Variants in POU1F1 observed in about 807,000 individuals in gnomAD.
POU1F1 encodes the protein pituitary-specific positive transcription factor 1.
A neutral mutation model predicts 32.3 loss-of-function variants in POU1F1; 23 were observed. That is an observed-to-expected ratio of 0.71 (90% CI 0.51 to 1.01). The LOEUF is 1.01. Ranked by LOEUF, POU1F1 falls within the 50% of genes least tolerant of loss-of-function variation. POU1F1 has a pLI of 0.00. For synonymous variants in POU1F1, 120 were observed against 115.6 expected, an observed-to-expected ratio of 1.04 and a Z score of -0.25; for missense variants, 323 against 341.6, an observed-to-expected ratio of 0.95 and a Z score of 0.43.
chr3:87,267,959 C>T (rs550928871), intron 2 of POU1F1, among the ~76,000 whole-genome samples: 60 of 151,854 alleles, frequency 4.0e-4, no homozygotes, highest in South Asian at 1.2e-3. Flanking sequence ...AAAGTGGACA[C>T]GCAGAAAACA....
chr3:87,269,140 A>C (rs953277088), intron 2 of POU1F1, among the ~76,000 whole-genome samples: 3 of 152,180 alleles, frequency 2.0e-5, no homozygotes, highest in African/African-American at 4.8e-5. Flanking sequence ...TTAGGCATAA[A>C]AATTCAAAGG....
Position 87,259,771 on chromosome 3 carries a change from G to T in POU1F1, c.*123C>A. 1 of 788,628 alleles carries T rather than the reference G, an allele frequency of 1.3e-6. No individual in the cohort carries two copies. The highest frequency in any genetic ancestry group is 2.0e-6 in the Non-Finnish European group (1 of 491,386). The allele number at this position is 788,628 out of a possible 1,614,324, so 48.9% of individuals were successfully genotyped here. On this transcript the variant is annotated 3_prime_UTR_variant, in exon 6 of 6. Transcript: ENST00000350375. ...CTTTTTTTTAAAAAAAAGTGGAAAA[G>T]TAAAGCTTCTGTAAAAGCTATTGAT...
chr3:87,262,263 CT>C, intron 3 of POU1F1, 28 bp from the exon 4 acceptor site: 1 of 1,613,226 alleles, frequency 6.2e-7, no homozygotes, highest in South Asian at 1.1e-5. Flanking sequence ...AGACCATCAG[CT>C]CCAACTTTCC....
At position 87,259,836 on chromosome 3, in the gene POU1F1, G is replaced by A. The variant is rs1050477318; in HGVS notation, c.*58C>T. 2 of 1,431,540 alleles carry A rather than the reference G, an allele frequency of 1.4e-6. No individual in the cohort carries two copies. The highest frequency in any genetic ancestry group is 2.0e-6 in the Non-Finnish European group (2 of 1,020,194). The allele number at this position is 1,431,540 out of a possible 1,614,324, so 88.7% of individuals were successfully genotyped here. Reference sequence around the variant, plus strand: ...AGTCAACCAAGTAATTTCTGTTTTTGTTGAGGAAGAGAAAGGAATGAAACG... The same window carrying A: ...AGTCAACCAAGTAATTTCTGTTTTTATTGAGGAAGAGAAAGGAATGAAACG... On this transcript the variant is annotated 3_prime_UTR_variant, in exon 6 of 6. Coordinates refer to ENST00000350375, the MANE Select transcript of POU1F1 (RefSeq NM_000306.4).
chr3:87,265,650 G>A (rs1442273119), intron 2 of POU1F1, among the ~76,000 whole-genome samples: 2 of 151,474 alleles, frequency 1.3e-5, no homozygotes, highest in Admixed American at 1.3e-4. Flanking sequence ...AAAAAATAAA[G>A]TAAAAAATAA....
intron 2 of POU1F1, 97 bp from the exon 3 acceptor site, chr3:87,264,609 G>T (rs1028561909): frequency 1.1e-6 from 1 of 937,418 alleles, no homozygotes; most frequent in Admixed American, 2.0e-5. Flanking sequence ...CCATTATTCT[G>T]CTCTAGCCTG....
intron 2 of POU1F1, among the ~76,000 whole-genome samples, chr3:87,269,092 C>T (rs370304235): frequency 3.9e-5 from 6 of 152,130 alleles, no homozygotes; most frequent in Non-Finnish European, 1.5e-5. Context: ...TGCACAGGAA[C>T]ATGTATCTGA....
chr3:87,274,910 T>C (rs1358692504), intron 1 of POU1F1, among the ~76,000 whole-genome samples: 1 of 151,900 alleles, frequency 6.6e-6, no homozygotes, highest in East Asian at 1.9e-4. Context: ...ACTAAATAAA[T>C]TGTTACTTAT....
chr3:87,260,507 AC>A (rs1473729199), intron 5 of POU1F1, among the ~76,000 whole-genome samples: 1 of 152,140 alleles, frequency 6.6e-6, no homozygotes, highest in African/African-American at 2.4e-5. Flanking sequence ...CCAAAACAAA[AC>A]CTGTCTTTTA....
In POU1F1 at chr3:87,260,112, G is replaced by C. The variant is rs182127067; in HGVS notation, c.666-8C>G. 30 of 1,611,638 alleles carry C rather than the reference G, an allele frequency of 1.9e-5. No homozygotes were observed. In the Admixed American group the frequency reaches 3.9e-4, roughly 21 times the overall value. On this transcript the variant is annotated splice_region_variant and splice_polypyrimidine_tract_variant and intron_variant, in intron 5 of 5. Coordinates refer to ENST00000350375, the MANE Select transcript of POU1F1 (RefSeq NM_000306.4). ...GCATCTTTAGCAGCAATGCTGGCGGGGGGTGGACATAGGGGGTGAAATTTT... is the reference window on the plus strand; with the variant it reads ...GCATCTTTAGCAGCAATGCTGGCGGCGGGTGGACATAGGGGGTGAAATTTT...
intron 1 of POU1F1, among the ~76,000 whole-genome samples, chr3:87,274,088 G>A (rs1479554561): frequency 6.6e-6 from 1 of 151,998 alleles, no homozygotes; most frequent in African/African-American, 2.4e-5. Context: ...TTAGTTGTCT[G>A]CATATACACA....
At chr3:87,267,659 G>A (rs1706645384) in intron 2 of POU1F1, among the ~76,000 whole-genome samples, 1 of 140,328 alleles carries the variant, frequency 7.1e-6, no homozygotes, top group Non-Finnish European at 1.6e-5. Context: ...CTAGACTGGA[G>A]TGCAGTGGTA....
Position 87,260,017 on chromosome 3 carries a change from C to A in POU1F1, c.753G>T (p.Leu251=), listed in dbSNP as rs762314553. Residue 251 remains leucine, a synonymous_variant, in exon 6 of 6, where the codon CTG becomes CTT. Transcript: ENST00000350375. ...CTCTTACTACTTCTTTCTCCAGATT[C>A]AGTTCTTCAGCCATCCTCATGATCT... ...SQEIMRMAEE[L]NLEKEVVRVW... 1 of 1,614,110 alleles carries A rather than the reference C, an allele frequency of 6.2e-7. No homozygotes were observed. Among genetic ancestry groups the A allele is most frequent in the Non-Finnish European group, 8.5e-7 (1 of 1,180,012 alleles).
At chr3:87,267,551 T>C (rs1401623790) in intron 2 of POU1F1, among the ~76,000 whole-genome samples, 2 of 152,112 alleles carry the variant, frequency 1.3e-5, no homozygotes, top group Non-Finnish European at 1.5e-5. Context: ...TACAATAAAA[T>C]ATATATAAAG....
chr3:87,261,967 G>GAAA, intron 4 of POU1F1, 104 bp downstream of exon 4: 1 of 1,397,668 alleles, frequency 7.2e-7, no homozygotes, highest in Non-Finnish European at 1.0e-6. Context: ...AGAAAAGGCG[G>GAAA]AAAAAAACCC....
chr3:87,261,676 CTTATA>C (rs1312584570), intron 4 of POU1F1, among the ~76,000 whole-genome samples: 3 of 152,102 alleles, frequency 2.0e-5, no homozygotes, highest in African/African-American at 7.2e-5. Context: ...CTAGCAATTG[CTTATA>C]TTATTTTCTT....
intron 3 of POU1F1, 37 bp from the exon 4 acceptor site, chr3:87,262,272 T>G: frequency 6.2e-7 from 1 of 1,612,336 alleles, no homozygotes; most frequent in Non-Finnish European, 8.5e-7. Flanking sequence ...GCTCCAACTT[T>G]CCAGGAAATG....
At chr3:87,261,027 C>A (rs1348040089) in intron 5 of POU1F1, among the ~76,000 whole-genome samples, 1 of 151,948 alleles carries the variant, frequency 6.6e-6, no homozygotes, top group African/African-American at 2.4e-5. Context: ...TCTCCTGCCT[C>A]AGTCTCCTGA....
chr3:87,273,515 A>C, intron 1 of POU1F1, 97 bp from the exon 2 acceptor site: 1 of 1,568,516 alleles, frequency 6.4e-7, no homozygotes, highest in Non-Finnish European at 8.7e-7. Context: ...AAAATGTATA[A>C]GGATTCAAGA....
Sources: allele counts gnomAD v4.1 joint callset (sites outside exome capture counted in the v4.1 genomes callset), GRCh38; gene constraint gnomAD v4.1.1; transcripts MANE v1.5; gene names NCBI Gene and HGNC (gene_info 2026-07-23, HGNC 2026-07-21).